The following CSMD1 variants were observed in gnomAD, a reference collection of about 807,000 sequenced individuals.
CSMD1 encodes CUB and sushi domain-containing protein 1.
In CSMD1, 213 loss-of-function variants were observed where a neutral mutation model predicts 417.5. The ratio of observed to expected loss-of-function variants is 0.51; its 90% confidence interval spans 0.46 to 0.57. The LOEUF (loss-of-function observed/expected upper bound fraction) is 0.57. Among genes scored for constraint, CSMD1 ranks in the 20% least tolerant of loss-of-function variants. The pLI is 0.00. For synonymous variants in CSMD1, 2,862 were observed against 1,736.8 expected (o/e 1.65, Z -16.11); for missense variants, 6,923 against 4,529.7 (o/e 1.53, Z -15.17).
chr8:3,989,901 A>T (rs1814616156), intron 5 of CSMD1, among the ~76,000 whole-genome samples: 1 of 152,222 alleles, frequency 6.6e-6, no homozygotes, highest in African/African-American at 2.4e-5. Context: ...GTCCTCCATG[A>T]AATTGTGCAA....
chr8:3,096,187 G>C (rs1585336665), intron 47 of CSMD1, among the ~76,000 whole-genome samples: 1 of 152,086 alleles, frequency 6.6e-6, no homozygotes, highest in Non-Finnish European at 1.5e-5. Flanking sequence ...AGAAAATTTG[G>C]TACACTTTCA....
intron 41 of CSMD1, among the ~76,000 whole-genome samples, chr8:3,138,097 G>A (rs913585153): frequency 1.3e-5 from 2 of 152,244 alleles, no homozygotes; most frequent in Non-Finnish European, 2.9e-5. Flanking sequence ...ATGGTGGCGG[G>A]TGCCTGTAAT....
At chr8:4,388,503 G>C (rs899881284) in intron 3 of CSMD1, among the ~76,000 whole-genome samples, 5 of 151,146 alleles carry the variant, frequency 3.3e-5, no homozygotes, top group Non-Finnish European at 5.9e-5. Context: ...GGTAAGTTGT[G>C]AGCATACAAA....
At chr8:4,087,050 T>C (rs929951570) in intron 3 of CSMD1, among the ~76,000 whole-genome samples, 1 of 152,240 alleles carries the variant, frequency 6.6e-6, no homozygotes, top group African/African-American at 2.4e-5. Context: ...AGTGACTGCC[T>C]TGGGCTAGCC....
intron 10 of CSMD1, among the ~76,000 whole-genome samples, chr8:3,542,512 A>C (rs767496588): frequency 2.2e-4 from 34 of 152,206 alleles, no homozygotes; most frequent in Non-Finnish European, 4.6e-4. Context: ...CAGTGACTAC[A>C]TCCTGTGTCA....
intron 1 of CSMD1, among the ~76,000 whole-genome samples, chr8:4,854,887 A>C (rs1468143725): frequency 6.6e-6 from 1 of 152,190 alleles, no homozygotes; most frequent in Non-Finnish European, 1.5e-5. Flanking sequence ...AGCAGCCAGG[A>C]AGCTCGAACT....
At chr8:4,382,406 T>A (rs1445057353) in intron 3 of CSMD1, among the ~76,000 whole-genome samples, 1 of 152,234 alleles carries the variant, frequency 6.6e-6, no homozygotes, top group Non-Finnish European at 1.5e-5. Flanking sequence ...GGTCAATGAA[T>A]GAAGCAAATT....
At chr8:4,678,338 G>C (rs976008548) in intron 1 of CSMD1, among the ~76,000 whole-genome samples, 29 of 152,112 alleles carry the variant, frequency 1.9e-4, no homozygotes, top group Non-Finnish European at 4.4e-5. Context: ...CTGAACCCAA[G>C]AGGTGGAGGT....
At chr8:4,244,135 C>T (rs2128824469) in intron 3 of CSMD1, among the ~76,000 whole-genome samples, 1 of 152,260 alleles carries the variant, frequency 6.6e-6, no homozygotes, top group African/African-American at 2.4e-5. Flanking sequence ...TTTCGCGCAG[C>T]ACAAGTAGAT....
At chr8:4,058,075 T>A (rs1380097597) in intron 3 of CSMD1, among the ~76,000 whole-genome samples, 2 of 152,170 alleles carry the variant, frequency 1.3e-5, no homozygotes, top group Non-Finnish European at 2.9e-5. Flanking sequence ...GTGAAGGAAC[T>A]CATTGGTAGC....
chr8:4,402,093 T>TC (rs1027790563), intron 3 of CSMD1, among the ~76,000 whole-genome samples: 2 of 152,042 alleles, frequency 1.3e-5, no homozygotes, highest in Non-Finnish European at 2.9e-5. Context: ...CTCAACCTCC[T>TC]CCCCTTCCGA....
At chr8:4,797,901 T>C (rs187125296) in intron 1 of CSMD1, among the ~76,000 whole-genome samples, 32 of 152,324 alleles carry the variant, frequency 2.1e-4, no homozygotes, top group Non-Finnish European at 4.0e-4. Flanking sequence ...ACTTATAAAA[T>C]TCCACAGAAG....
At chr8:4,479,116 T>C (rs945881219) in intron 2 of CSMD1, among the ~76,000 whole-genome samples, 40 of 152,156 alleles carry the variant, frequency 2.6e-4, no homozygotes, top group African/African-American at 9.6e-4. Context: ...TTTTCTGGCA[T>C]AGAGAAAATT....
chr8:3,613,012 A>G (rs1003713584), intron 8 of CSMD1, among the ~76,000 whole-genome samples: 1 of 152,070 alleles, frequency 6.6e-6, no homozygotes, highest in Non-Finnish European at 1.5e-5. Flanking sequence ...TGAGAAGTTC[A>G]ATAATATTGA....
At chr8:3,831,910 CTT>C (rs1802400115) in intron 5 of CSMD1, among the ~76,000 whole-genome samples, 1 of 152,102 alleles carries the variant, frequency 6.6e-6, no homozygotes, top group Non-Finnish European at 1.5e-5. Flanking sequence ...AATATCAAGA[CTT>C]TTAAAATACC....
intron 7 of CSMD1, among the ~76,000 whole-genome samples, chr8:3,695,648 C>T (rs1434000916): frequency 2.0e-5 from 3 of 151,918 alleles, no homozygotes; most frequent in Non-Finnish European, 4.4e-5. Context: ...AAATTTAGGT[C>T]GAAATATATT....
chr8:4,172,410 G>T (rs999280881), intron 3 of CSMD1, among the ~76,000 whole-genome samples: 1 of 152,010 alleles, frequency 6.6e-6, no homozygotes, highest in Non-Finnish European at 1.5e-5. Flanking sequence ...TGGGTCTCAT[G>T]GCTCCCGCGT....
chr8:4,754,499 G>C (rs1027597050), intron 1 of CSMD1, among the ~76,000 whole-genome samples: 1 of 151,220 alleles, frequency 6.6e-6, no homozygotes, highest in Admixed American at 6.6e-5. Flanking sequence ...TCCAAGTTTA[G>C]CATAAATGCA....
intron 3 of CSMD1, among the ~76,000 whole-genome samples, chr8:4,182,211 T>G (rs1376187478): frequency 6.6e-6 from 1 of 152,140 alleles, no homozygotes; most frequent in African/African-American, 2.4e-5. Flanking sequence ...TCATTCTCAG[T>G]TTACTTTAAA....
Sources: gnomAD v4.1 joint callset for allele counts (sites outside exome capture counted in the v4.1 genomes callset) on GRCh38, gnomAD v4.1.1 for gene constraint, MANE v1.5 for transcripts, NCBI Gene and HGNC (gene_info 2026-07-23, HGNC 2026-07-21) for gene names.